The following PER3 variants were observed in gnomAD, a reference collection of about 807,000 sequenced individuals.
PER3 encodes the protein period circadian protein homolog 3.
A neutral mutation model predicts 127.2 loss-of-function variants in PER3; 107 were observed. The ratio of observed to expected loss-of-function variants is 0.84; its 90% CI spans 0.72 to 0.99. PER3 has a LOEUF of 0.99. Ranked by LOEUF, PER3 falls within the 50% of genes least tolerant of loss-of-function variation. The pLI is 0.00. For synonymous variants in PER3, 618 were observed against 585.8 expected (o/e 1.05, Z -0.79); for missense variants, 1,560 against 1,525.8 (o/e 1.02, Z -0.37).
intron 13 of PER3, among the ~76,000 whole-genome samples, chr1:7,811,912 G>A (rs1462717849): frequency 6.6e-6 from 1 of 152,114 alleles, no homozygotes; most frequent in East Asian, 1.9e-4. Flanking sequence ...GCTGTTACAT[G>A]TAAGGGCACA....
rs192312721 is a variant in PER3 at position 7,795,972 on chromosome 1, A to C, written c.644+1964A>C. ...TCCTGCATCAGTATTTCAGAATGTC[A>C]TTCTAAGAGAGGAAGTTCTCATTCA... On this transcript the variant is annotated intron_variant, in intron 6 of 21. Coordinates refer to ENST00000377532, the MANE Select transcript of PER3 (RefSeq NM_001377275.1). Among the ~76,000 whole-genome samples, 7 of 152,270 alleles carry C rather than the reference A, an allele frequency of 4.6e-5. No individual in the cohort carries two copies. The East Asian group carries it at 1.4e-3, about 29-fold the overall frequency.
intron 5 of PER3, among the ~76,000 whole-genome samples, chr1:7,791,261 G>A (rs191737409): frequency 6.6e-6 from 1 of 152,258 alleles, no homozygotes; most frequent in East Asian, 1.9e-4. Context: ...CTAGGCAGAG[G>A]TTTCCAAACC....
chr1:7,843,961 G>GA lies in PER3; in HGVS notation c.*1212dup, dbSNP rs1187858467. 2.4e-6 allele frequency: 3 copies of GA among 1,274,910 alleles called. No homozygotes were observed. Among genetic ancestry groups the GA allele is most frequent in the Non-Finnish European group, 3.1e-6 (3 of 976,428 alleles). The allele number at this position is 1,274,910 out of a possible 1,614,324, so 79.0% of individuals were successfully genotyped here. ...ATGAAATTCACACCCCTGCAGATCA[G>GA]AAAAAACAAATAGAAGAAAATGAGG... is the stretch of plus-strand genomic sequence containing the variant. On this transcript the variant is annotated 3_prime_UTR_variant, in exon 22 of 22. Coordinates refer to ENST00000377532, the MANE Select transcript of PER3 (RefSeq NM_001377275.1).
At chr1:7,823,967 T>G (rs1329315890) in intron 16 of PER3, among the ~76,000 whole-genome samples, 1 of 152,232 alleles carries the variant, frequency 6.6e-6, no homozygotes, top group Non-Finnish European at 1.5e-5. Flanking sequence ...TGAATTAAAT[T>G]AAAAATCAGT....
Position 7,842,774 on chromosome 1 carries a change from C to G in PER3, c.*19C>G. ...CTGTTGAGTGACTGTGAGGATGAAC[C>G]TTCATACCCTTTCCAAGACGTGTTA... On this transcript the variant is annotated 3_prime_UTR_variant, in exon 22 of 22. Coordinates refer to ENST00000377532, the MANE Select transcript of PER3 (RefSeq NM_001377275.1). 1 of 1,605,876 alleles carries G rather than the reference C, an allele frequency of 6.2e-7. No individual in the cohort carries two copies. The highest frequency in any genetic ancestry group is 1.3e-5 in the African/African-American group (1 of 74,886).
intron 17 of PER3, 86 bp from the exon 18 acceptor site, chr1:7,827,032 G>A: frequency 9.6e-7 from 1 of 1,036,584 alleles, no homozygotes; most frequent in African/African-American, 1.6e-5. Flanking sequence ...TCATTCGTCA[G>A]CTACTTATAA....
chr1:7,807,152 C>T (rs1027184271), intron 10 of PER3, among the ~76,000 whole-genome samples: 1 of 152,080 alleles, frequency 6.6e-6, no homozygotes, highest in African/African-American at 2.4e-5. Context: ...CCCCGTGGCA[C>T]TTACCTGGCA....
intron 16 of PER3, among the ~76,000 whole-genome samples, chr1:7,822,277 A>G (rs1283950067): frequency 1.3e-5 from 2 of 151,100 alleles, no homozygotes; most frequent in East Asian, 1.9e-4. Context: ...TTTTTTTGAG[A>G]AGGAGTCTTG....
At position 7,835,946 on chromosome 1, in the gene PER3, G is replaced by A. The variant is rs776171186; in HGVS notation, c.3398+1G>A. ...TCATGACATACCAGGTACCTGAGAG[G>A]TAAGAAAGCACTTTAGAAAACCCAC... On this transcript the variant is annotated splice_donor_variant, in intron 20 of 21. Coordinates refer to ENST00000377532, the MANE Select transcript of PER3 (RefSeq NM_001377275.1). LOFTEE classifies it high-confidence loss of function. 16 of 1,562,348 alleles carry A rather than the reference G, an allele frequency of 1.0e-5. No individual in the cohort carries two copies. In the South Asian group the frequency reaches 1.8e-4, roughly 17 times the overall value.
At chr1:7,805,718 A>G (rs573795390) in intron 10 of PER3, among the ~76,000 whole-genome samples, 1 of 152,324 alleles carries the variant, frequency 6.6e-6, no homozygotes, top group African/African-American at 2.4e-5. Context: ...AACTGCAGCC[A>G]GTAAGATGCC....
intron 16 of PER3, among the ~76,000 whole-genome samples, chr1:7,825,122 T>A (rs1273964561): frequency 6.6e-6 from 1 of 151,934 alleles, no homozygotes; most frequent in Non-Finnish European, 1.5e-5. Context: ...CCTGTGGTGC[T>A]CATTTAGTCA....
At chr1:7,809,713 C>T (rs2097210594) in intron 11 of PER3, among the ~76,000 whole-genome samples, 180 bp from the exon 12 acceptor site, 1 of 152,100 alleles carries the variant, frequency 6.6e-6, no homozygotes, top group Non-Finnish European at 1.5e-5. Context: ...TTGAAAATTG[C>T]CGAAATGACA....
In PER3 at chr1:7,842,681, A is replaced by G. The variant is rs763020522; in HGVS notation, c.3559A>G (p.Thr1187Ala). 9.9e-6 allele frequency: 16 copies of G among 1,613,224 alleles called. No homozygotes were observed. The highest frequency in any genetic ancestry group is 4.0e-5 in the African/African-American group (3 of 74,884). ...TQEIDIQACV[T>A]CENEDSADGA... ...TTGTTCTTTTTTGGAGGCCTGTGTCACTTGTGAAAATGAAGATTCAGCTGA... is the reference window on the plus strand; with the variant it reads ...TTGTTCTTTTTTGGAGGCCTGTGTCGCTTGTGAAAATGAAGATTCAGCTGA... The change falls in exon 22 of 22, where the codon ACT (threonine) becomes GCT (alanine). Residue 1187 changes from threonine (T) to alanine (A), a missense_variant. Physicochemically the swap from Thr to Ala is moderately conservative, Grantham distance 58. Transcript: ENST00000377532.
intron 21 of PER3, among the ~76,000 whole-genome samples, chr1:7,841,110 A>G (rs1313744740): frequency 2.0e-5 from 3 of 152,214 alleles, no homozygotes; most frequent in South Asian, 2.1e-4. Context: ...AACACTAACA[A>G]TAGTTAATGA....
rs200140283 is a variant in PER3, at chr1:7,826,588, C to G, written c.2066C>G (p.Ala689Gly). ...GGGCTCACAGCGGCTGTTCTGTCAG[C>G]GCACACCCAGAAGGAAGAGCAGAAT... ...HVGLTAAVLS[A>G]HTQKEEQNYV... Residue 689 changes from alanine (A) to glycine (G), a missense_variant, in exon 17 of 22, where the codon GCG becomes GGG. Coordinates refer to ENST00000377532, the MANE Select transcript of PER3 (RefSeq NM_001377275.1). This position sits in a 1 kb window ranked among gnomAD's most constrained non-coding sequence, Gnocchi z 4.2. The G allele has an allele frequency of 4.3e-6, 7 of 1,611,406 alleles. No individual in the cohort carries two copies. The East Asian group carries it at 1.6e-4, about 36-fold the overall frequency.
chr1:7,812,005 A>G (rs886301799), intron 13 of PER3, among the ~76,000 whole-genome samples: 4 of 152,136 alleles, frequency 2.6e-5, no homozygotes, highest in Admixed American at 6.5e-5. Flanking sequence ...CTTAAATACA[A>G]TTTTTACTAT....
intron 5 of PER3, among the ~76,000 whole-genome samples, chr1:7,793,452 T>G (rs2097130916): frequency 1.3e-5 from 2 of 152,158 alleles, no homozygotes; most frequent in African/African-American, 2.4e-5. Flanking sequence ...AATAAAGTCA[T>G]AAAACGATTC....
intron 21 of PER3, among the ~76,000 whole-genome samples, chr1:7,840,504 G>T (rs1162833715): frequency 6.6e-6 from 1 of 151,846 alleles, no homozygotes; most frequent in Non-Finnish European, 1.5e-5. Context: ...TTTTCGTAGA[G>T]ATGGAGTTTT....
intron 16 of PER3, 80 bp downstream of exon 16, chr1:7,820,720 A>G: frequency 8.6e-7 from 1 of 1,158,390 alleles, no homozygotes; most frequent in Non-Finnish European, 1.2e-6. Context: ...CATGAATACC[A>G]TTCGCTCGGT....
Sources: gnomAD v4.1 joint callset for allele counts (sites outside exome capture counted in the v4.1 genomes callset) on GRCh38, gnomAD v4.1.1 for gene constraint, Gnocchi (gnomAD v3.1) non-coding constraint, MANE v1.5 for transcripts, NCBI Gene and HGNC (gene_info 2026-07-23, HGNC 2026-07-21) for gene names.